Variants in LMO3 observed in about 807,000 individuals in gnomAD.
The protein encoded by LMO3 is LIM domain only 3.
Under a neutral mutation model 15.8 loss-of-function variants are expected in LMO3, and 2 were observed. That is an observed-to-expected ratio of 0.13 (90% CI 0.05 to 0.40). LMO3 has a LOEUF of 0.40. LMO3 is among the 10% of genes least tolerant of loss of function. LMO3 has a pLI of 0.99. For synonymous variants in LMO3, 62 were observed against 63.8 expected, an observed-to-expected ratio of 0.97 and a Z score of 0.13; for missense variants, 86 against 182.2, an observed-to-expected ratio of 0.47 and a Z score of 3.04.
intron 3 of LMO3, among the ~76,000 whole-genome samples, chr12:16,558,634 C>T (rs997156430): frequency 6.6e-5 from 10 of 152,032 alleles, no homozygotes; most frequent in Admixed American, 1.3e-4. Context: ...ATTCTCAGTA[C>T]TTGCTGGGAA....
Position 16,582,832 on chromosome 12 carries a change from G to A in LMO3, c.206+17823C>T, listed in dbSNP as rs57776661. Among the ~76,000 whole-genome samples, 7,449 of 152,166 alleles carry A rather than the reference G, an allele frequency of 0.049. 624 individuals are homozygous for A. Among genetic ancestry groups the A allele is most frequent in the African/African-American group, 0.17 (7,030 of 41,496 alleles). ...GGAGGCCAAATTGAGTGGATCACCT[G>A]AGGTCAGGAGTTCGAGACCAGCCTG... is the stretch of plus-strand genomic sequence containing the variant. On this transcript the variant is annotated intron_variant, in intron 2 of 3. Coordinates refer to ENST00000537304, the MANE Select transcript of LMO3 (RefSeq NM_018640.5). This position sits in a 1 kb window ranked among gnomAD's most constrained non-coding sequence, Gnocchi z 4.1.
rs1346744128 is a variant in LMO3, at chr12:16,603,541, G to A, written c.-9+2525C>T. Reference sequence around the variant, plus strand: ...TTTAGATTGGCATGTAAATTGTTCTGAGGGAAATTCTTATTGCCTCTGAGA... The same window carrying A: ...TTTAGATTGGCATGTAAATTGTTCTAAGGGAAATTCTTATTGCCTCTGAGA... On this transcript the variant is annotated intron_variant, in intron 1 of 3. Transcript: ENST00000537304. The surrounding 1 kb of genome is among the most constrained non-coding windows in gnomAD (Gnocchi z 4.9). 6.6e-6 allele frequency among the ~76,000 whole-genome samples: 1 copy of A among 152,136 alleles called. No individual in the cohort carries two copies. Among genetic ancestry groups the A allele is most frequent in the Non-Finnish European group, 1.5e-5 (1 of 68,028 alleles).
intron 3 of LMO3, among the ~76,000 whole-genome samples, chr12:16,557,866 G>A (rs1942251532): frequency 6.6e-6 from 1 of 151,984 alleles, no homozygotes; most frequent in African/African-American, 2.4e-5. Flanking sequence ...TGGTGGTGCT[G>A]AAATCTGAAT....
rs1436378460 is a variant in LMO3, at chr12:16,589,887, T to C, written c.206+10768A>G. Among the ~76,000 whole-genome samples the C allele has an allele frequency of 6.6e-6, 1 of 152,114 alleles. No homozygotes were observed. The highest frequency in any genetic ancestry group is 1.5e-5 in the Non-Finnish European group (1 of 68,016). ...AGACCACAGTAGGAATTAAGCCTCG[T>C]AAAGCTCTCTGGCTACTGTCTCCGT... is the stretch of plus-strand genomic sequence containing the variant. On this transcript the variant is annotated intron_variant, in intron 2 of 3. Coordinates refer to ENST00000537304, the MANE Select transcript of LMO3 (RefSeq NM_018640.5). This position sits in a 1 kb window ranked among gnomAD's most constrained non-coding sequence, Gnocchi z 4.2.
rs1438400495 is a variant in LMO3, at chr12:16,555,785, C to T, written c.333-4458G>A. Among the ~76,000 whole-genome samples, 3 of 152,150 alleles carry T rather than the reference C, an allele frequency of 2.0e-5. No homozygotes were observed. Among genetic ancestry groups the T allele is most frequent in the Non-Finnish European group, 4.4e-5 (3 of 68,022 alleles). The stretch of plus-strand genomic sequence containing the variant: ...CATCTGCATGCCTTTGCACGTTGCT[C>T]AATTTGCCTGAAAATTCCTTTCCTC... On this transcript the variant is annotated intron_variant, in intron 3 of 3. Transcript: ENST00000537304. The surrounding 1 kb of genome is among the most constrained non-coding windows in gnomAD (Gnocchi z 5.5).
In LMO3 at chr12:16,559,939, G is replaced by A. The variant is rs1251770972; in HGVS notation, c.332+474C>T. Among the ~76,000 whole-genome samples, 1 of 152,032 alleles carries A rather than the reference G, an allele frequency of 6.6e-6. No individual in the cohort carries two copies. Among genetic ancestry groups the A allele is most frequent in the Non-Finnish European group, 1.5e-5 (1 of 68,022 alleles). ...AGTGCCACTGCGCTCTAGGCTGGGT[G>A]ACAGAACCAGACCTTGTATTTAAAA... On this transcript the variant is annotated intron_variant, in intron 3 of 3. Transcript: ENST00000537304. The surrounding 1 kb of genome is among the most constrained non-coding windows in gnomAD (Gnocchi z 4.1).
rs957799910 is a variant in LMO3 at position 16,591,765 on chromosome 12, C to T, written c.206+8890G>A. Among the ~76,000 whole-genome samples, 1 of 152,042 alleles carries T rather than the reference C, an allele frequency of 6.6e-6. No individual in the cohort carries two copies. Among genetic ancestry groups the T allele is most frequent in the Non-Finnish European group, 1.5e-5 (1 of 67,978 alleles). ...AAAGTTACAAGCTAAGTCTGTCTTG[C>T]TCTGCACCCAAAATATAACCCGTGA... is the stretch of plus-strand genomic sequence containing the variant. On this transcript the variant is annotated intron_variant, in intron 2 of 3. Transcript: ENST00000537304. The surrounding 1 kb of genome is among the most constrained non-coding windows in gnomAD (Gnocchi z 4.1).
chr12:16,606,814 T>A (rs1313340800), upstream of LMO3: 1 of 152,262 alleles, frequency 6.6e-6, no homozygotes, highest in Admixed American at 6.5e-5. Context: ...GGAAGGACCC[T>A]ACCTCCTGGA....
rs146171464 is a variant in LMO3, at chr12:16,580,152, G to C, written c.207-19614C>G. Among the ~76,000 whole-genome samples the C allele has an allele frequency of 2.2e-4, 33 of 152,186 alleles. No individual in the cohort carries two copies. The East Asian group carries it at 4.8e-3, about 22-fold the overall frequency. On this transcript the variant is annotated intron_variant, in intron 2 of 3. Transcript: ENST00000537304. ...TACGTTATTTTTATTTTTTAATAGAGATGGGATCTCTCTATGTTGCCCAGG... is the reference window on the plus strand; with the variant it reads ...TACGTTATTTTTATTTTTTAATAGACATGGGATCTCTCTATGTTGCCCAGG...
Position 16,600,809 on chromosome 12 carries a change from G to C in LMO3, c.52C>G (p.Arg18Gly). The C allele has an allele frequency of 6.2e-7, 1 of 1,614,102 alleles. No homozygotes were observed. Among genetic ancestry groups the C allele is most frequent in the Non-Finnish European group, 8.5e-7 (1 of 1,180,008 alleles). ...AGAAGATACCGGTCCTTGATCTTTC[G>C]GTTGCAGCCAGCACAACCTTTCGGC... The part of the protein sequence containing the change: ...TKPKGCAGCN[R>G]KIKDRYLLKA... Residue 18 changes from arginine to glycine, a missense_variant, in exon 2 of 4, where the codon CGA (arginine) becomes GGA (glycine). Coordinates refer to ENST00000537304, the MANE Select transcript of LMO3 (RefSeq NM_018640.5).
chr12:16,557,316 C>CAGTT (rs1942227179), intron 3 of LMO3, among the ~76,000 whole-genome samples: 1 of 150,326 alleles, frequency 6.7e-6, no homozygotes, highest in East Asian at 1.9e-4. Flanking sequence ...AAATAAATGC[C>CAGTT]AGTTAGAAAT....
At chr12:16,579,187 C>T (rs1943086190) in intron 2 of LMO3, among the ~76,000 whole-genome samples, 1 of 151,894 alleles carries the variant, frequency 6.6e-6, no homozygotes, top group African/African-American at 2.4e-5. Context: ...ATATATATTC[C>T]CTTAGATACA....
At chr12:16,602,573 TAAG>T in intron 1 of LMO3, among the ~76,000 whole-genome samples, 1 of 152,356 alleles carries the variant, frequency 6.6e-6, no homozygotes, top group Non-Finnish European at 1.5e-5. Context: ...GCTGGATTTG[TAAG>T]AAGAGCAGGT....
chr12:16,587,513 T>C lies in LMO3; in HGVS notation c.206+13142A>G, dbSNP rs867676791. Among the ~76,000 whole-genome samples the C allele has an allele frequency of 6.6e-6, 1 of 152,304 alleles. No individual in the cohort carries two copies. Among genetic ancestry groups the C allele is most frequent in the African/African-American group, 2.4e-5 (1 of 41,568 alleles). On this transcript the variant is annotated intron_variant, in intron 2 of 3. Transcript: ENST00000537304. The surrounding 1 kb of genome is among the most constrained non-coding windows in gnomAD (Gnocchi z 4.3). ...TAGCAAATAAACTGTGCCTCTTTTTTAAATAAACCCCTGGCCTTGAGTTTT... is the reference window on the plus strand; with the variant it reads ...TAGCAAATAAACTGTGCCTCTTTTTCAAATAAACCCCTGGCCTTGAGTTTT...
At chr12:16,568,826 A>T (rs1002751806) in intron 2 of LMO3, among the ~76,000 whole-genome samples, 1 of 152,202 alleles carries the variant, frequency 6.6e-6, no homozygotes, top group East Asian at 1.9e-4. Context: ...CCCTGGATAT[A>T]TGACAGTTAT....
intron 2 of LMO3, chr12:16,573,542 G>A (rs2137465775): frequency 6.6e-6 from 1 of 152,300 alleles, no homozygotes; most frequent in African/African-American, 2.4e-5. Flanking sequence ...CTGCAAAGGC[G>A]ATAAGGGGGG....
chr12:16,573,058 C>T (rs16912038), intron 2 of LMO3, among the ~76,000 whole-genome samples: 46,777 of 151,366 alleles, frequency 0.31, 7,325 homozygotes, highest in South Asian at 0.34. Flanking sequence ...CCAGATACAT[C>T]TTATAAAAGG....
At chr12:16,607,134 C>G (rs1414519381), upstream of LMO3, 1 of 151,516 alleles carries the variant, frequency 6.6e-6, no homozygotes, top group Non-Finnish European at 1.5e-5. Context: ...CCACACAAGC[C>G]TGGTTCAGGG....
At chr12:16,571,885 T>C (rs1159263473) in intron 2 of LMO3, among the ~76,000 whole-genome samples, 1 of 152,070 alleles carries the variant, frequency 6.6e-6, no homozygotes, top group Admixed American at 6.6e-5. Flanking sequence ...GCATATAACT[T>C]TTATTTAATA....
Sources: gnomAD v4.1 joint callset for allele counts (sites outside exome capture counted in the v4.1 genomes callset) on GRCh38, gnomAD v4.1.1 for gene constraint, Gnocchi (gnomAD v3.1) non-coding constraint, MANE v1.5 for transcripts, NCBI Gene and HGNC (gene_info 2026-07-23, HGNC 2026-07-21) for gene names.